Variants in NLGN4X observed in about 807,000 individuals in gnomAD.
The protein encoded by NLGN4X is neuroligin-4, X-linked.
A neutral mutation model predicts 40.3 loss-of-function variants in NLGN4X; 3 were observed. The ratio of observed to expected loss-of-function variants is 0.07; its 90% CI spans 0.03 to 0.19. The LOEUF is 0.19. Among genes scored for constraint, NLGN4X ranks in the 10% least tolerant of loss-of-function variants. The pLI, the probability that NLGN4X is intolerant of heterozygous loss-of-function variation, is 1.00. For missense variants in NLGN4X, 382 were observed against 708.3 expected (o/e 0.54, Z 5.23); for synonymous variants, 270 against 306.8 (o/e 0.88, Z 1.25).
intron 1 of NLGN4X, among the ~76,000 whole-genome samples, chrX:6,211,899 C>T (rs1924636824): frequency 9.0e-6 from 1 of 111,477 alleles, no homozygotes; most frequent in Non-Finnish European, 1.9e-5. Context: ...TATTTCTTTC[C>T]CATACTACTC....
intron 2 of NLGN4X, among the ~76,000 whole-genome samples, chrX:6,059,059 A>AT (rs2037705974): frequency 8.9e-6 from 1 of 112,307 alleles, no homozygotes; most frequent in South Asian, 3.7e-4. Flanking sequence ...TTAGCTAAAA[A>AT]AAAATATGCA....
intron 1 of NLGN4X, among the ~76,000 whole-genome samples, chrX:6,173,757 C>T (rs751940172): frequency 8.9e-6 from 1 of 111,928 alleles, no homozygotes; most frequent in African/African-American, 3.2e-5. Flanking sequence ...CAAATAACCC[C>T]ATTAAAAACT....
intron 3 of NLGN4X, among the ~76,000 whole-genome samples, chrX:6,023,484 T>A (rs1166248288): frequency 8.9e-6 from 1 of 112,276 alleles, no homozygotes; most frequent in Non-Finnish European, 1.9e-5. Flanking sequence ...TGACATTAAT[T>A]AAGAAGGCTG....
intron 1 of NLGN4X, among the ~76,000 whole-genome samples, chrX:6,206,089 A>G (rs1245795202): frequency 9.8e-6 from 1 of 102,317 alleles, no homozygotes; most frequent in African/African-American, 3.7e-5. Context: ...GGGAAACCCA[A>G]CTGTTGATCT....
chrX:5,929,449 C>A (rs1466281223), intron 3 of NLGN4X, among the ~76,000 whole-genome samples: 1 of 111,701 alleles, frequency 9.0e-6, no homozygotes, highest in Non-Finnish European at 1.9e-5. Flanking sequence ...CAGAGCAAGA[C>A]TCTGTCACAC....
chrX:6,033,019 G>C lies in NLGN4X; in HGVS notation c.473-3587C>G, dbSNP rs575391864. On this transcript the variant is annotated intron_variant, in intron 2 of 5. Transcript: ENST00000381095. ...AGATATCCTGTGAATATGCAGTTGGGGGTTAAAATGATGCTACTGCAAAAA... is the reference window on the plus strand; with the variant it reads ...AGATATCCTGTGAATATGCAGTTGGCGGTTAAAATGATGCTACTGCAAAAA... Among the ~76,000 whole-genome samples the C allele has an allele frequency of 5.3e-5, 4 of 75,329 alleles. No homozygotes were observed. The South Asian group carries it at 3.1e-3, about 59-fold the overall frequency. The allele number at this position is 75,329 out of a possible 115,157, so 65.4% of individuals were successfully genotyped here. A position where few individuals can be genotyped will look rare whatever the true frequency, so the allele number is the denominator to read the frequency against.
rs1220864066 is a variant in NLGN4X at position 6,094,940 on chromosome X, T to C, written c.472+56055A>G. ...ATTTGGGGTGAATCATGTGTAAATGTTTATGGTGTTAATGAAAAACGTTGC... is the reference window on the plus strand; with the variant it reads ...ATTTGGGGTGAATCATGTGTAAATGCTTATGGTGTTAATGAAAAACGTTGC... On this transcript the variant is annotated intron_variant, in intron 2 of 5. Transcript: ENST00000381095. Among the ~76,000 whole-genome samples, 4 of 110,452 alleles carry C rather than the reference T, an allele frequency of 3.6e-5. No homozygotes were observed. The East Asian group carries it at 8.6e-4, about 24-fold the overall frequency.
At chrX:6,166,525 C>T (rs1176026837) in intron 1 of NLGN4X, among the ~76,000 whole-genome samples, 1 of 112,033 alleles carries the variant, frequency 8.9e-6, no homozygotes, top group Non-Finnish European at 1.9e-5. Context: ...CACCAAACCG[C>T]CAAAGGGATC....
At chrX:5,976,994 G>C (rs1040092746) in intron 3 of NLGN4X, among the ~76,000 whole-genome samples, 4 of 110,895 alleles carry the variant, frequency 3.6e-5, no homozygotes, top group African/African-American at 1.3e-4. Context: ...ATTGGTAAAG[G>C]AATTTTAAAA....
intron 2 of NLGN4X, among the ~76,000 whole-genome samples, chrX:6,059,704 G>A (rs2147324154): frequency 9.0e-6 from 1 of 111,243 alleles, no homozygotes; most frequent in African/African-American, 3.3e-5. Context: ...CTTCAGCTGA[G>A]ACACCAAAAT....
chrX:6,228,099 T>A (rs908933278), intron 1 of NLGN4X, among the ~76,000 whole-genome samples: 1 of 110,894 alleles, frequency 9.0e-6, no homozygotes, highest in East Asian at 2.8e-4. Context: ...ACATATATAT[T>A]TTTTTCCTCC....
At chrX:6,134,852 C>T (rs978605095) in intron 2 of NLGN4X, among the ~76,000 whole-genome samples, 2 of 112,392 alleles carry the variant, frequency 1.8e-5, no homozygotes, top group African/African-American at 6.5e-5. Context: ...CTGAGAAGGA[C>T]CTCCTTTGCT....
intron 3 of NLGN4X, among the ~76,000 whole-genome samples, chrX:5,983,695 C>CA (rs747188660): frequency 2.7e-5 from 3 of 111,968 alleles, no homozygotes; most frequent in Non-Finnish European, 5.6e-5. Context: ...CCCAACTATT[C>CA]AAAAGACTGA....
At chrX:5,924,351 G>T (rs1429872120) in intron 3 of NLGN4X, among the ~76,000 whole-genome samples, 1 of 101,763 alleles carries the variant, frequency 9.8e-6, no homozygotes. Flanking sequence ...TGCTTTCAAG[G>T]CAAACATAAA....
At chrX:6,062,609 T>C (rs752640802) in intron 2 of NLGN4X, among the ~76,000 whole-genome samples, 2 of 111,090 alleles carry the variant, frequency 1.8e-5, no homozygotes, top group Non-Finnish European at 3.8e-5. Flanking sequence ...CCAAATCTCA[T>C]CTTAAATTGT....
At chrX:5,958,899 C>T (rs2034576195) in intron 3 of NLGN4X, among the ~76,000 whole-genome samples, 1 of 112,296 alleles carries the variant, frequency 8.9e-6, no homozygotes, top group Non-Finnish European at 1.9e-5. Context: ...TTGCAAGCTA[C>T]CTGAGCTAAT....
In NLGN4X at chrX:5,890,774, C is replaced by A; in HGVS notation, c.*2043G>T. 3.4e-6 allele frequency: 1 copy of A among 298,122 alleles called. No individual in the cohort carries two copies. Among genetic ancestry groups the A allele is most frequent in the Non-Finnish European group, 6.4e-6 (1 of 157,472 alleles). 24.6% of individuals were successfully genotyped at this position (298,122 alleles called of 1,213,427 possible). Reference sequence around the variant, plus strand: ...ATATTTATATACAGAGAATCACTCTCAAATTTAACCCAAGATAAGCAATAG... The same window carrying A: ...ATATTTATATACAGAGAATCACTCTAAAATTTAACCCAAGATAAGCAATAG... On this transcript the variant is annotated 3_prime_UTR_variant, in exon 6 of 6. Coordinates refer to ENST00000381095, the MANE Select transcript of NLGN4X (RefSeq NM_181332.3).
intron 3 of NLGN4X, among the ~76,000 whole-genome samples, chrX:6,026,712 G>A (rs972705634): frequency 9.0e-6 from 1 of 111,494 alleles, no homozygotes; most frequent in Admixed American, 9.6e-5. Context: ...TAAATAGACC[G>A]GCATAGAGAT....
chrX:6,220,068 ATTC>A (rs1925521342), intron 1 of NLGN4X, among the ~76,000 whole-genome samples: 1 of 109,219 alleles, frequency 9.2e-6, no homozygotes, highest in African/African-American at 3.3e-5. Flanking sequence ...TATTTCCTAT[ATTC>A]TTTTTAAAAT....
Sources: gnomAD v4.1 joint callset for allele counts (sites outside exome capture counted in the v4.1 genomes callset) on GRCh38, gnomAD v4.1.1 for gene constraint, MANE v1.5 for transcripts, NCBI Gene and HGNC (gene_info 2026-07-23, HGNC 2026-07-21) for gene names.